CAMKMT: variants seen among roughly 807,000 people sequenced by gnomAD.
CAMKMT encodes the protein CaM KMT.
Under a neutral mutation model 48.0 loss-of-function variants are expected in CAMKMT, and 53 were observed. That is an observed-to-expected ratio of 1.10 (90% CI 0.89 to 1.39). CAMKMT has a LOEUF of 1.39. Among genes scored for constraint, CAMKMT ranks in the 40% most tolerant of loss-of-function variants. The pLI is 0.00. For synonymous variants in CAMKMT, 165 were observed against 152.3 expected, an observed-to-expected ratio of 1.08 and a Z score of -0.61; for missense variants, 428 against 402.7, an observed-to-expected ratio of 1.06 and a Z score of -0.54.
chr2:44,716,545 G>C (rs908250482), intron 7 of CAMKMT, among the ~76,000 whole-genome samples: 2 of 152,058 alleles, frequency 1.3e-5, no homozygotes, highest in African/African-American at 4.8e-5. Context: ...GTGGCACAGG[G>C]GACAGCATAT....
chr2:44,474,238 G>A (rs1025724813), intron 3 of CAMKMT, among the ~76,000 whole-genome samples: 2 of 152,064 alleles, frequency 1.3e-5, no homozygotes, highest in Non-Finnish European at 2.9e-5. Context: ...CTGAGGTTAG[G>A]AGTTCATGAC....
chr2:44,557,731 C>T (rs771801246), intron 3 of CAMKMT, among the ~76,000 whole-genome samples: 5 of 152,080 alleles, frequency 3.3e-5, no homozygotes, highest in African/African-American at 7.2e-5. Flanking sequence ...TTCTTGTTAC[C>T]GGGAGGTGAT....
Position 44,655,464 on chromosome 2 carries a change from C to T in CAMKMT, c.377-48819C>T, listed in dbSNP as rs150961624. The stretch of plus-strand genomic sequence containing the variant: ...TGTCATTGGACCATGAACTAATCTC[C>T]CTTCCCCCTCCCCATTTTACCCACT... On this transcript the variant is annotated intron_variant, in intron 3 of 10. Transcript: ENST00000378494. Among the ~76,000 whole-genome samples, 59 of 152,248 alleles carry T rather than the reference C, an allele frequency of 3.9e-4. 1 individual carries two copies. The East Asian group carries it at 0.01, about 26-fold the overall frequency.
chr2:44,659,357 G>C lies in CAMKMT; in HGVS notation c.377-44926G>C, dbSNP rs576364968. Among the ~76,000 whole-genome samples, 26 of 152,122 alleles carry C rather than the reference G, an allele frequency of 1.7e-4. No individual in the cohort carries two copies. The South Asian group carries it at 5.0e-3, about 29-fold the overall frequency. ...TGGAAGGACAGCTTGAGCCCAGGAG[G>C]TTGAGGCTGCAGTGAGCTGTGATTA... On this transcript the variant is annotated intron_variant, in intron 3 of 10. Coordinates refer to ENST00000378494, the MANE Select transcript of CAMKMT (RefSeq NM_024766.5).
chr2:44,397,386 C>T (rs1681952124), intron 3 of CAMKMT, among the ~76,000 whole-genome samples: 1 of 152,160 alleles, frequency 6.6e-6, no homozygotes, highest in African/African-American at 2.4e-5. Flanking sequence ...GACCTGAAAG[C>T]CAGTGGAGCA....
At position 44,711,813 on chromosome 2, in the gene CAMKMT, GTATCA is replaced by G. The variant is rs1243771915; in HGVS notation, c.557-3472_557-3468del. 7.2e-5 allele frequency among the ~76,000 whole-genome samples: 11 copies of G among 152,098 alleles called. No homozygotes were observed. The East Asian group carries it at 2.1e-3, about 29-fold the overall frequency. ...ATACTCCATTAAGCCTAACAAATAG[GTATCA>G]TTACTTCTGTTTTAGAGATGGAGCT... On this transcript the variant is annotated intron_variant, in intron 6 of 10. Coordinates refer to ENST00000378494, the MANE Select transcript of CAMKMT (RefSeq NM_024766.5).
chr2:44,410,971 T>C (rs1683164388), intron 3 of CAMKMT, among the ~76,000 whole-genome samples: 1 of 152,214 alleles, frequency 6.6e-6, no homozygotes, highest in Non-Finnish European at 1.5e-5. Context: ...TAACTTTTGG[T>C]TAAGATGTTC....
intron 3 of CAMKMT, among the ~76,000 whole-genome samples, chr2:44,504,547 G>A (rs1243238200): frequency 6.6e-6 from 1 of 152,058 alleles, no homozygotes; most frequent in Non-Finnish European, 1.5e-5. Flanking sequence ...TTGGCCTAGG[G>A]GTTTGTTCAA....
intron 10 of CAMKMT, among the ~76,000 whole-genome samples, chr2:44,768,362 T>TATATATATA (rs1491157479): frequency 1.4e-3 from 102 of 74,274 alleles, no homozygotes; most frequent in Middle Eastern, 7.2e-3. Flanking sequence ...TATATATATA[T>TATATATATA]TTTTTTTTTT....
At chr2:44,560,135 A>G (rs866428776) in intron 3 of CAMKMT, among the ~76,000 whole-genome samples, 6 of 152,206 alleles carry the variant, frequency 3.9e-5, no homozygotes, top group South Asian at 2.1e-4. Context: ...AGAGCTAAAC[A>G]CAACACACTG....
At chr2:44,559,507 A>G (rs1180271844) in intron 3 of CAMKMT, among the ~76,000 whole-genome samples, 1 of 151,782 alleles carries the variant, frequency 6.6e-6, no homozygotes, top group African/African-American at 2.4e-5. Flanking sequence ...GCTTTTGTAA[A>G]CCTTTATTTC....
intron 3 of CAMKMT, among the ~76,000 whole-genome samples, chr2:44,445,378 C>T (rs372047127): frequency 1.1e-4 from 17 of 152,218 alleles, no homozygotes; most frequent in African/African-American, 4.1e-4. Flanking sequence ...GATGCCTGCT[C>T]CCCTCTTTCT....
At chr2:44,405,103 A>G (rs1053885374) in intron 3 of CAMKMT, among the ~76,000 whole-genome samples, 3 of 152,046 alleles carry the variant, frequency 2.0e-5, no homozygotes, top group African/African-American at 7.2e-5. Context: ...TTCTATCTCT[A>G]TGTTTTTGTG....
chr2:44,632,695 C>T (rs1225677788), intron 3 of CAMKMT, among the ~76,000 whole-genome samples: 1 of 152,118 alleles, frequency 6.6e-6, no homozygotes, highest in Non-Finnish European at 1.5e-5. Flanking sequence ...CCATTTGAGT[C>T]AGTGGGCTGG....
At chr2:44,575,263 G>C (rs1669152618) in intron 3 of CAMKMT, among the ~76,000 whole-genome samples, 1 of 151,908 alleles carries the variant, frequency 6.6e-6, no homozygotes, top group Admixed American at 6.6e-5. Flanking sequence ...ATTTTTAGTA[G>C]AGATGGGGTT....
At chr2:44,726,640 A>G (rs1678803075) in intron 7 of CAMKMT, among the ~76,000 whole-genome samples, 2 of 152,048 alleles carry the variant, frequency 1.3e-5, no homozygotes, top group African/African-American at 4.8e-5. Context: ...ACACGTGTCT[A>G]TTTTTGTTTT....
chr2:44,401,281 G>A (rs1682352678), intron 3 of CAMKMT: 1 of 152,110 alleles, frequency 6.6e-6, no homozygotes, highest in South Asian at 2.1e-4. Context: ...ACAAAGACGG[G>A]GCACAGTGGC....
intron 3 of CAMKMT, among the ~76,000 whole-genome samples, chr2:44,557,687 T>G (rs1264109394): frequency 2.6e-5 from 4 of 152,260 alleles, no homozygotes. Context: ...AATAGAAGAA[T>G]GGTTAGCACC....
At chr2:44,372,992 CAATCTTTTTCAGAACT>C in intron 2 of CAMKMT, 104 bp downstream of exon 2, 1 of 1,061,314 alleles carries the variant, frequency 9.4e-7, no homozygotes, top group Non-Finnish European at 1.4e-6. Flanking sequence ...AGTTTACGGG[CAATCTTTTTCAGAACT>C]TAGGTTTTAC....
Sources: gnomAD v4.1 joint callset for allele counts (sites outside exome capture counted in the v4.1 genomes callset) on GRCh38, gnomAD v4.1.1 for gene constraint, MANE v1.5 for transcripts, NCBI Gene and HGNC (gene_info 2026-07-23, HGNC 2026-07-21) for gene names.